The following MACROD2 variants were observed in gnomAD, a reference collection of about 807,000 sequenced individuals.
MACROD2 encodes mono-ADP ribosylhydrolase 2.
Under a neutral mutation model 70.4 loss-of-function variants are expected in MACROD2, and 36 were observed. That is an observed-to-expected ratio of 0.51 (90% CI 0.39 to 0.68). The LOEUF (loss-of-function observed/expected upper bound fraction) is 0.68, where lower values mean the gene tolerates loss of function less well. Ranked by LOEUF, MACROD2 falls within the 30% of genes least tolerant of loss-of-function variation. MACROD2 has a pLI of 0.00. For synonymous variants in MACROD2, 172 were observed against 178.8 expected (o/e 0.96, Z 0.30); for missense variants, 496 against 538.4 (o/e 0.92, Z 0.78).
chr20:14,522,860 TCTAA>T (rs1242192695), intron 4 of MACROD2, among the ~76,000 whole-genome samples: 2 of 152,160 alleles, frequency 1.3e-5, no homozygotes, highest in African/African-American at 4.8e-5. Flanking sequence ...GACAGGGATT[TCTAA>T]CTGTTTTATT....
At chr20:15,142,497 C>G (rs1456246421) in intron 5 of MACROD2, among the ~76,000 whole-genome samples, 1 of 151,600 alleles carries the variant, frequency 6.6e-6, no homozygotes, top group Non-Finnish European at 1.5e-5. Flanking sequence ...TTGTTATTTT[C>G]CATTTTTACT....
chr20:15,585,482 C>T (rs1169612308), intron 8 of MACROD2, among the ~76,000 whole-genome samples: 2 of 152,134 alleles, frequency 1.3e-5, no homozygotes, highest in Admixed American at 6.5e-5. Context: ...AGGCGTGAGC[C>T]ACCATGCCCG....
chr20:15,814,168 C>T (rs183104239), intron 8 of MACROD2, among the ~76,000 whole-genome samples: 18 of 152,254 alleles, frequency 1.2e-4, no homozygotes, highest in Admixed American at 1.3e-4. Context: ...GTTGCCCGTG[C>T]CCTGTTCACA....
chr20:15,141,958 C>T (rs1287694747), intron 5 of MACROD2, among the ~76,000 whole-genome samples: 1 of 152,158 alleles, frequency 6.6e-6, no homozygotes, highest in Non-Finnish European at 1.5e-5. Flanking sequence ...CTTGTGTTCT[C>T]CGCTTCTTTA....
intron 3 of MACROD2, among the ~76,000 whole-genome samples, chr20:14,357,421 ACT>A (rs1491559261): frequency 6.6e-6 from 1 of 152,164 alleles, no homozygotes; most frequent in Non-Finnish European, 1.5e-5. Flanking sequence ...GAAAAGATAA[ACT>A]TTTTTTGCAA....
At chr20:14,743,543 G>T (rs1487966580) in intron 5 of MACROD2, among the ~76,000 whole-genome samples, 1 of 152,138 alleles carries the variant, frequency 6.6e-6, no homozygotes, top group African/African-American at 2.4e-5. Context: ...CAAGAAAATG[G>T]TTTCTTCCCA....
chr20:14,444,118 A>G (rs1157048276), intron 3 of MACROD2, among the ~76,000 whole-genome samples: 2 of 152,174 alleles, frequency 1.3e-5, no homozygotes, highest in Non-Finnish European at 2.9e-5. Context: ...TAAAATGGAC[A>G]AATAGGTCAA....
intron 10 of MACROD2, among the ~76,000 whole-genome samples, chr20:15,913,084 G>A (rs777700685): frequency 2.6e-5 from 4 of 151,928 alleles, no homozygotes; most frequent in Non-Finnish European, 4.4e-5. Context: ...GAAGTCAAAT[G>A]TATTATTAAA....
Position 14,486,902 on chromosome 20 carries a change from C to G in MACROD2, c.272-6577C>G, listed in dbSNP as rs188696911. Among the ~76,000 whole-genome samples the G allele has an allele frequency of 2.2e-3, 335 of 152,170 alleles. 1 individual carries two copies. The highest frequency in any genetic ancestry group is 3.4e-3 in the Non-Finnish European group (231 of 68,018). ...TATGCAAAATATTGATATCCATTTA[C>G]TTTATGGGCTTACATAATTATTTTT... On this transcript the variant is annotated intron_variant, in intron 3 of 17. Coordinates refer to ENST00000684519, the MANE Select transcript of MACROD2 (RefSeq NM_001351661.2).
chr20:14,544,127 A>G (rs1347636887), intron 4 of MACROD2, among the ~76,000 whole-genome samples: 1 of 152,174 alleles, frequency 6.6e-6, no homozygotes, highest in Non-Finnish European at 1.5e-5. Context: ...TTCCATGTTG[A>G]TATACTATCC....
intron 5 of MACROD2, among the ~76,000 whole-genome samples, chr20:15,129,324 T>G (rs1486685209): frequency 6.6e-6 from 1 of 152,096 alleles, no homozygotes; most frequent in African/African-American, 2.4e-5. Context: ...AGTAATTTGT[T>G]TTTAATTCTG....
chr20:14,546,926 C>CTT (rs369350423), intron 4 of MACROD2, among the ~76,000 whole-genome samples: 2 of 147,922 alleles, frequency 1.4e-5, no homozygotes, highest in African/African-American at 5.0e-5. Context: ...TGTATTTTCT[C>CTT]TTTTTTTTTT....
chr20:14,795,730 A>G (rs935132005), intron 5 of MACROD2, among the ~76,000 whole-genome samples: 4 of 152,106 alleles, frequency 2.6e-5, no homozygotes, highest in African/African-American at 9.7e-5. Context: ...ATCATCAACC[A>G]TGTATCTGGA....
intron 8 of MACROD2, among the ~76,000 whole-genome samples, chr20:15,573,881 A>G (rs1053414282): frequency 4.6e-5 from 7 of 151,902 alleles, no homozygotes; most frequent in Non-Finnish European, 8.8e-5. Context: ...TCACTCTCCC[A>G]CCTGATTCTT....
intron 2 of MACROD2, among the ~76,000 whole-genome samples, chr20:14,029,960 T>C (rs1305350588): frequency 1.3e-5 from 2 of 152,210 alleles, no homozygotes; most frequent in African/African-American, 4.8e-5. Context: ...CTAAGCCAGG[T>C]CATTCTTTGA....
intron 8 of MACROD2, among the ~76,000 whole-genome samples, chr20:15,820,568 G>T (rs1264941637): frequency 2.0e-5 from 3 of 152,128 alleles, no homozygotes; most frequent in Non-Finnish European, 4.4e-5. Flanking sequence ...ACCTAATCGA[G>T]TGATTTATGC....
In MACROD2 at chr20:14,798,757, A is replaced by G. The variant is rs538505010; in HGVS notation, c.418+113798A>G. The stretch of plus-strand genomic sequence containing the variant: ...GTATAAATACAGCCACATAAACAAG[A>G]AAAGGTAACTCTGTCACCTTATGTT... On this transcript the variant is annotated intron_variant, in intron 5 of 17. Coordinates refer to ENST00000684519, the MANE Select transcript of MACROD2 (RefSeq NM_001351661.2). Among the ~76,000 whole-genome samples, 116 of 152,210 alleles carry G rather than the reference A, an allele frequency of 7.6e-4. 3 individuals are homozygous for G. The highest frequency in any genetic ancestry group is 2.5e-3 in the African/African-American group (102 of 41,524).
intron 5 of MACROD2, among the ~76,000 whole-genome samples, chr20:15,210,626 A>C (rs1412668380): frequency 8.3e-6 from 1 of 120,468 alleles, no homozygotes; most frequent in Admixed American, 9.1e-5. Flanking sequence ...CCCAAATTTT[A>C]TATCGAATTG....
At chr20:14,839,027 A>G (rs2073059769) in intron 5 of MACROD2, among the ~76,000 whole-genome samples, 2 of 151,998 alleles carry the variant, frequency 1.3e-5, no homozygotes, top group African/African-American at 4.8e-5. Context: ...AGAAGAACCC[A>G]TCTCCTGGCC....
Sources: allele counts gnomAD v4.1 joint callset (sites outside exome capture counted in the v4.1 genomes callset), GRCh38; gene constraint gnomAD v4.1.1; transcripts MANE v1.5; gene names NCBI Gene and HGNC (gene_info 2026-07-23, HGNC 2026-07-21).